Variants in SPATC1 observed in about 807,000 individuals in gnomAD.
The protein encoded by SPATC1 is spermatogenesis and centriole associated 1.
Under a neutral mutation model 36.5 loss-of-function variants are expected in SPATC1, and 35 were observed. That is an observed-to-expected ratio of 0.96 (90% confidence interval 0.73 to 1.27). The LOEUF (loss-of-function observed/expected upper bound fraction) is 1.27. SPATC1 is among the 50% of genes most tolerant of loss of function. SPATC1 has a pLI of 0.00. For synonymous variants in SPATC1, 361 were observed against 353.6 expected (o/e 1.02, Z -0.24); for missense variants, 779 against 796.0 (o/e 0.98, Z 0.26).
intron 1 of SPATC1, among the ~76,000 whole-genome samples, chr8:144,018,523 G>T (rs939485489): frequency 6.6e-6 from 1 of 152,002 alleles, no homozygotes; most frequent in African/African-American, 2.4e-5. Context: ...TGGAAAATAC[G>T]CAAGATAAAA....
At chr8:144,027,229 C>T (rs1436950237) in intron 1 of SPATC1, among the ~76,000 whole-genome samples, 3 of 152,100 alleles carry the variant, frequency 2.0e-5, no homozygotes, top group African/African-American at 4.8e-5. Context: ...CCACCTCGGC[C>T]GCCCAAAGTG....
chr8:144,043,259 T>G (rs1835164541), intron 4 of SPATC1, among the ~76,000 whole-genome samples: 1 of 151,388 alleles, frequency 6.6e-6, no homozygotes. Context: ...CCTCCAAAAG[T>G]GCTGGGATTA....
chr8:144,038,424 C>A (rs1296300038), intron 1 of SPATC1, among the ~76,000 whole-genome samples: 2 of 138,414 alleles, frequency 1.4e-5, no homozygotes, highest in African/African-American at 5.4e-5. Context: ...CAGAGCGAGA[C>A]TCTGTCTCAA....
At chr8:144,020,370 A>C in intron 1 of SPATC1, among the ~76,000 whole-genome samples, 2 of 118,824 alleles carry the variant, frequency 1.7e-5, no homozygotes, top group African/African-American at 3.3e-5. Flanking sequence ...CCCGAGGACT[A>C]CCTTCCCTCA....
rs548883203 is a variant in SPATC1, at chr8:144,045,177, C to T, written c.1447-1450C>T. Among the ~76,000 whole-genome samples, 11 of 152,368 alleles carry T rather than the reference C, an allele frequency of 7.2e-5. No homozygotes were observed. The highest frequency in any genetic ancestry group is 1.7e-4 in the African/African-American group (7 of 41,594). ...AGCAGCCGTTGAGCACGGCTGTCCA[C>T]GGGCCCTCACTCTTGCGCTGAACCT... On this transcript the variant is annotated intron_variant, in intron 4 of 4. Coordinates refer to ENST00000377470, the MANE Select transcript of SPATC1 (RefSeq NM_198572.3). This position sits in a 1 kb window ranked among gnomAD's most constrained non-coding sequence, Gnocchi z 5.2.
chr8:144,040,544 T>C lies in SPATC1; in HGVS notation c.767-24T>C, dbSNP rs556918696. ...CCTCACTCTAATCCCCCTTTTTTTA[T>C]TTCTGTTCCCTCCACATCACTAGTC... is the stretch of plus-strand genomic sequence containing the variant. On this transcript the variant is annotated intron_variant, in intron 2 of 4. Coordinates refer to ENST00000377470, the MANE Select transcript of SPATC1 (RefSeq NM_198572.3). 127 of 1,565,464 alleles carry C rather than the reference T, an allele frequency of 8.1e-5. 1 individual carries two copies. Among genetic ancestry groups the C allele is most frequent in the Non-Finnish European group, 1.1e-4 (122 of 1,155,534 alleles).
At position 144,016,760 on chromosome 8, in the gene SPATC1, C is replaced by T. The variant is rs138437136; in HGVS notation, c.211+4034C>T. ...AAGTGATTCTCCTGCCTGAGCCTCC[C>T]GAGTAGCTGGGACTACGGGCATGCA... On this transcript the variant is annotated intron_variant, in intron 1 of 4. Coordinates refer to ENST00000377470, the MANE Select transcript of SPATC1 (RefSeq NM_198572.3). This position sits in a 1 kb window ranked among gnomAD's most constrained non-coding sequence, Gnocchi z 4.5. Among the ~76,000 whole-genome samples, 705 of 152,206 alleles carry T rather than the reference C, an allele frequency of 4.6e-3. 4 individuals carry two copies. Among genetic ancestry groups the T allele is most frequent in the African/African-American group, 0.015 (606 of 41,502 alleles).
At chr8:144,014,041 A>G (rs1834331570) in intron 1 of SPATC1, among the ~76,000 whole-genome samples, 1 of 152,314 alleles carries the variant, frequency 6.6e-6, no homozygotes, top group Middle Eastern at 3.4e-3. Flanking sequence ...ACCTGAGGTC[A>G]GGAGTTTGAG....
chr8:144,042,568 C>T (rs570679968), intron 4 of SPATC1, among the ~76,000 whole-genome samples: 4 of 151,572 alleles, frequency 2.6e-5, no homozygotes, highest in East Asian at 1.9e-4. Flanking sequence ...GTGATCCGTC[C>T]GCCTCAGCCT....
rs1835267763 is a variant in SPATC1 at position 144,046,585 on chromosome 8, G to A, written c.1447-42G>A. 3.9e-6 allele frequency: 6 copies of A among 1,557,192 alleles called. No individual in the cohort carries two copies. Among genetic ancestry groups the A allele is most frequent in the Non-Finnish European group, 4.4e-6 (5 of 1,148,116 alleles). On this transcript the variant is annotated intron_variant, in intron 4 of 4. Coordinates refer to ENST00000377470, the MANE Select transcript of SPATC1 (RefSeq NM_198572.3). This position sits in a 1 kb window ranked among gnomAD's most constrained non-coding sequence, Gnocchi z 6.6. ...TTCCCCTTACCTGCCTGTGTGTGGA[G>A]GTGTGGCAAGGGAGGGTCCCTGATG...
rs1835281039 is a variant in SPATC1, at chr8:144,046,852, G to A, written c.1672G>A (p.Val558Met). Residue 558 changes from valine to methionine, a missense_variant, in exon 5 of 5, where the codon GTG becomes ATG. Physicochemically the swap from Val to Met is conservative, Grantham distance 21. Coordinates refer to ENST00000377470, the MANE Select transcript of SPATC1 (RefSeq NM_198572.3). The surrounding 1 kb of genome is among the most constrained non-coding windows in gnomAD (Gnocchi z 6.6). ...PYTVDFLQRV[V>M]VETVHPGMLA... ...CACCGTGGACTTCCTGCAGCGTGTG[G>A]TGGTGGAGACCGTGCACCCCGGCAT... The A allele has an allele frequency of 6.2e-7, 1 of 1,602,028 alleles. No homozygotes were observed. Among genetic ancestry groups the A allele is most frequent in the Non-Finnish European group, 8.5e-7 (1 of 1,179,862 alleles).
At chr8:144,031,933 T>C (rs1017088821) in intron 1 of SPATC1, among the ~76,000 whole-genome samples, 10 of 152,288 alleles carry the variant, frequency 6.6e-5, no homozygotes, top group Non-Finnish European at 1.3e-4. Flanking sequence ...TTGCCCAGAC[T>C]GGTCTTGAAC....
At chr8:144,024,248 T>A (rs1834625166) in intron 1 of SPATC1, among the ~76,000 whole-genome samples, 1 of 142,046 alleles carries the variant, frequency 7.0e-6, no homozygotes, top group South Asian at 2.3e-4. Context: ...CCAGGCCCTC[T>A]CCCTCATGAC....
At position 144,012,715 on chromosome 8, in the gene SPATC1, G is replaced by A. The variant is rs112699293; in HGVS notation, c.200G>A (p.Arg67His). The A allele has an allele frequency of 3.3e-3, 5,044 of 1,551,618 alleles. 133 individuals carry two copies. In the African/African-American group the frequency reaches 0.059, roughly 18 times the overall value. ...LGEATAGLSS[R>H]QNNGVFLPPS... ...GAGGCAACAGCAGGCCTTTCCTCAC[G>A]CCAGAACAATGGTAAGAGGCCTCGC... The change falls in exon 1 of 5, where the codon CGC becomes CAC. Residue 67 changes from arginine (R) to histidine (H), a missense_variant. Physicochemically the swap from Arg to His is conservative, Grantham distance 29. Coordinates refer to ENST00000377470, the MANE Select transcript of SPATC1 (RefSeq NM_198572.3).
chr8:144,012,776 C>A (rs1554752658), intron 1 of SPATC1, 50 bp downstream of exon 1: 2 of 1,537,538 alleles, frequency 1.3e-6, no homozygotes, highest in East Asian at 2.5e-5. Flanking sequence ...GGGACTGCAC[C>A]AGAGAGGAGA....
rs539319693 is a variant in SPATC1 at position 144,046,532 on chromosome 8, A to T, written c.1447-95A>T. 1 of 1,194,348 alleles carries T rather than the reference A, an allele frequency of 8.4e-7. No individual in the cohort carries two copies. Among genetic ancestry groups the T allele is most frequent in the African/African-American group, 1.5e-5 (1 of 66,466 alleles). The allele number at this position is 1,194,348 out of a possible 1,614,324, so 74.0% of individuals were successfully genotyped here. On this transcript the variant is annotated intron_variant, in intron 4 of 4. Coordinates refer to ENST00000377470, the MANE Select transcript of SPATC1 (RefSeq NM_198572.3). The surrounding 1 kb of genome is among the most constrained non-coding windows in gnomAD (Gnocchi z 6.6). ...ACCGCACACCCCTCGGATCCTGGCC[A>T]TCTCACAGCCTCACCTGCCCCTCGG...
At chr8:144,015,480 G>A (rs201440814) in intron 1 of SPATC1, among the ~76,000 whole-genome samples, 3 of 151,186 alleles carry the variant, frequency 2.0e-5, no homozygotes, top group South Asian at 2.1e-4. Context: ...AGTGGCTCAC[G>A]CCTATAATCC....
At chr8:144,044,180 G>A (rs1835192913) in intron 4 of SPATC1, among the ~76,000 whole-genome samples, 1 of 152,114 alleles carries the variant, frequency 6.6e-6, no homozygotes, top group African/African-American at 2.4e-5. Context: ...AATAATAGAG[G>A]TGATGCATGC....
chr8:144,027,006 G>GTTTTTTTTTTTTTTTTTTT (rs1834696244), intron 1 of SPATC1, among the ~76,000 whole-genome samples: 1 of 37,786 alleles, frequency 2.6e-5, no homozygotes, highest in Non-Finnish European at 6.4e-5. Flanking sequence ...TTTTTTTTTT[G>GTTTTTTTTTTTTTTTTTTT]GATTTTTAGT....
Sources: allele counts gnomAD v4.1 joint callset (sites outside exome capture counted in the v4.1 genomes callset), GRCh38; gene constraint gnomAD v4.1.1; non-coding constraint Gnocchi (gnomAD v3.1); transcripts MANE v1.5; gene names NCBI Gene and HGNC (gene_info 2026-07-23, HGNC 2026-07-21).